The following CFAP69 variants were observed in gnomAD, a reference collection of about 807,000 sequenced individuals.
CFAP69 encodes the protein cilia and flagella associated protein 69.
A neutral mutation model predicts 123.0 loss-of-function variants in CFAP69; 92 were observed. That is an observed-to-expected ratio of 0.75 (90% CI 0.63 to 0.89). The LOEUF is 0.89. CFAP69 is among the 40% of genes least tolerant of loss of function. CFAP69 has a pLI of 0.00. For synonymous variants in CFAP69, 380 were observed against 364.3 expected (o/e 1.04, Z -0.49); for missense variants, 1,067 against 1,096.9 (o/e 0.97, Z 0.39).
At chr7:90,313,997 C>A (rs997918264), downstream of CFAP69, among the ~76,000 whole-genome samples, 1 of 152,276 alleles carries the variant, frequency 6.6e-6, no homozygotes, top group East Asian at 1.9e-4. Context: ...GAGTATGATA[C>A]TTTACCTCTG....
intron 12 of CFAP69, among the ~76,000 whole-genome samples, chr7:90,282,441 G>A (rs1936664398): frequency 6.6e-6 from 1 of 152,142 alleles, no homozygotes; most frequent in Non-Finnish European, 1.5e-5. Flanking sequence ...CAATGTGGAT[G>A]TATCCTGTAT....
chr7:90,282,154 A>C (rs539917048), intron 12 of CFAP69, among the ~76,000 whole-genome samples: 26 of 149,864 alleles, frequency 1.7e-4, no homozygotes, highest in Non-Finnish European at 3.5e-4. Flanking sequence ...GAAGTTCAAG[A>C]CCAGCCTGGG....
At chr7:90,288,390 C>A in intron 15 of CFAP69, 38 bp downstream of exon 15, 6 of 1,592,042 alleles carry the variant, frequency 3.8e-6, no homozygotes, top group Non-Finnish European at 5.1e-6. Context: ...AGACTCACAG[C>A]AGTCATGCAT....
At chr7:90,267,288 T>G (rs536617157) in intron 5 of CFAP69, among the ~76,000 whole-genome samples, 1 of 152,324 alleles carries the variant, frequency 6.6e-6, no homozygotes, top group East Asian at 1.9e-4. Flanking sequence ...CCACCCCACT[T>G]GCTGACCACC....
In CFAP69 at chr7:90,297,779, G is replaced by T. The variant is rs760134278; in HGVS notation, c.1806G>T (p.Glu602Asp). The change falls in exon 16 of 23, where the codon GAG becomes GAT. Residue 602 changes from glutamate to aspartate, a missense_variant. Glu to Asp is a conservative substitution (Grantham distance 45). Transcript: ENST00000389297. ...WCCILGCYPS[E>D]DYFLEKEGIF... is the part of the protein sequence containing the mutation. The stretch of plus-strand genomic sequence containing the variant: ...GTATTTTGGGATGTTATCCCTCAGA[G>T]GATTATTTTCTTGAAAAGGAAGGCA... The T allele has an allele frequency of 1.3e-6, 2 of 1,573,020 alleles. No individual in the cohort carries two copies. Among genetic ancestry groups the T allele is most frequent in the East Asian group, 2.3e-5 (1 of 42,808 alleles).
At chr7:90,260,555 T>G (rs1798186214) in intron 3 of CFAP69, among the ~76,000 whole-genome samples, 1 of 152,090 alleles carries the variant, frequency 6.6e-6, no homozygotes, top group African/African-American at 2.4e-5. Context: ...AAAAGAAAAG[T>G]TATCAAGCTC....
At chr7:90,295,931 G>A (rs758274707) in intron 15 of CFAP69, among the ~76,000 whole-genome samples, 9 of 152,106 alleles carry the variant, frequency 5.9e-5, no homozygotes, top group Non-Finnish European at 1.2e-4. Flanking sequence ...GAGGATGACC[G>A]GAGGTCACTT....
At chr7:90,297,897 G>T in intron 16 of CFAP69, 67 bp downstream of exon 16, 2 of 1,004,570 alleles carry the variant, frequency 2.0e-6, no homozygotes, top group South Asian at 2.9e-5. Flanking sequence ...TTTCCAAACT[G>T]AATGCCACAG....
Position 90,248,481 on chromosome 7 carries a change from A to T in CFAP69, c.120+2937A>T, listed in dbSNP as rs899048198. On this transcript the variant is annotated intron_variant, in intron 1 of 22. Coordinates refer to ENST00000389297, the MANE Select transcript of CFAP69 (RefSeq NM_001039706.3). ...AATTCTATCTAAGCTACTACAAATG[A>T]TATTCACAGAGTATTAGATTTTTCT... Among the ~76,000 whole-genome samples the T allele has an allele frequency of 6.6e-5, 10 of 152,330 alleles. No individual in the cohort carries two copies. The South Asian group carries it at 1.7e-3, about 25-fold the overall frequency.
chr7:90,245,647 G>A, intron 1 of CFAP69, 103 bp downstream of exon 1: 2 of 1,362,716 alleles, frequency 1.5e-6, no homozygotes, highest in East Asian at 5.6e-5. Context: ...GGGGACAGGA[G>A]TGAAGATGGG....
At chr7:90,295,845 T>C (rs1303734594) in intron 15 of CFAP69, among the ~76,000 whole-genome samples, 2 of 152,236 alleles carry the variant, frequency 1.3e-5, no homozygotes, top group Non-Finnish European at 2.9e-5. Flanking sequence ...CTCCCCTTTA[T>C]AGGCCATATA....
At chr7:90,303,464 T>C (rs1212455439) in intron 17 of CFAP69, 4 of 673,716 alleles carry the variant, frequency 5.9e-6, no homozygotes, top group Non-Finnish European at 5.5e-6. Flanking sequence ...ATGGCTCTTA[T>C]TATTTTTAGA....
Position 90,249,944 on chromosome 7 carries a change from T to A in CFAP69, c.120+4400T>A, listed in dbSNP as rs148531654. ...AATTTGCTCTCCCTCTGAGAACCCA[T>A]GAGAACTTCCACAATCTTTTAGTTG... On this transcript the variant is annotated intron_variant, in intron 1 of 22. Coordinates refer to ENST00000389297, the MANE Select transcript of CFAP69 (RefSeq NM_001039706.3). Among the ~76,000 whole-genome samples the A allele has an allele frequency of 2.0e-5, 3 of 152,308 alleles. No individual in the cohort carries two copies. In the East Asian group the frequency reaches 5.8e-4, roughly 29 times the overall value.
At chr7:90,286,569 C>T (rs935159492) in intron 14 of CFAP69, 170 bp downstream of exon 14, 2 of 563,540 alleles carry the variant, frequency 3.5e-6, no homozygotes, top group Non-Finnish European at 5.8e-6. Context: ...ACAGTATACA[C>T]CCATTTAACT....
At chr7:90,285,229 G>T (rs1790091865) in intron 13 of CFAP69, among the ~76,000 whole-genome samples, 1 of 152,162 alleles carries the variant, frequency 6.6e-6, no homozygotes, top group African/African-American at 2.4e-5. Flanking sequence ...CCTCCAGCAG[G>T]CTCAGCTAGC....
chr7:90,293,705 T>C (rs1464445375), intron 15 of CFAP69, among the ~76,000 whole-genome samples: 1 of 152,256 alleles, frequency 6.6e-6, no homozygotes, highest in Non-Finnish European at 1.5e-5. Context: ...TGTTAACTCT[T>C]GGCAACTTTT....
intron 1 of CFAP69, among the ~76,000 whole-genome samples, chr7:90,252,529 A>G (rs1021809180): frequency 7.2e-5 from 11 of 152,140 alleles, no homozygotes; most frequent in Admixed American, 2.6e-4. Context: ...TTAGCAAAGT[A>G]TGGGGTGGTG....
At chr7:90,320,402 G>A in the CFAP69 span, 5 of 152,224 alleles carry the variant, frequency 3.3e-5, no homozygotes, top group Admixed American at 6.5e-5. Flanking sequence ...GAAGTGGCAC[G>A]AAAACAAAGG....
chr7:90,258,008 T>C (rs1313104640), intron 2 of CFAP69, 90 bp from the exon 3 acceptor site: 5 of 792,350 alleles, frequency 6.3e-6, no homozygotes, highest in African/African-American at 1.8e-5. Flanking sequence ...ACTTGATAAT[T>C]TTAAAGTGTC....
Sources: gnomAD v4.1 joint callset for allele counts (sites outside exome capture counted in the v4.1 genomes callset) on GRCh38, gnomAD v4.1.1 for gene constraint, MANE v1.5 for transcripts, NCBI Gene and HGNC (gene_info 2026-07-23, HGNC 2026-07-21) for gene names.